SGCD: variants seen among roughly 807,000 people sequenced by gnomAD.
SGCD encodes the protein sarcoglycan delta.
Under a neutral mutation model 36.6 loss-of-function variants are expected in SGCD, and 18 were observed. The ratio of observed to expected loss-of-function variants is 0.49; its 90% CI spans 0.34 to 0.73. The LOEUF (loss-of-function observed/expected upper bound fraction) is 0.73. SGCD is among the 30% of genes least tolerant of loss of function. The pLI is 0.01. For synonymous variants in SGCD, 133 were observed against 130.6 expected (o/e 1.02, Z -0.12); for missense variants, 387 against 346.7 (o/e 1.12, Z -0.92).
chr5:156,398,979 TTAGA>T (rs1772004067), intron 3 of SGCD, among the ~76,000 whole-genome samples: 1 of 152,208 alleles, frequency 6.6e-6, no homozygotes, highest in South Asian at 2.1e-4. Context: ...GGCTACCATA[TTAGA>T]TAGCGCAGAT....
the SGCD span, among the ~76,000 whole-genome samples, chr5:155,854,477 A>G: frequency 6.6e-6 from 1 of 152,294 alleles, no homozygotes; most frequent in South Asian, 2.1e-4. Flanking sequence ...GTAAAAATAA[A>G]TTTTAATTTC....
intron 3 of SGCD, among the ~76,000 whole-genome samples, chr5:156,423,217 A>ATATTATATTTTAT (rs1773436237): frequency 4.0e-5 from 4 of 99,376 alleles, no homozygotes; most frequent in African/African-American, 1.8e-4. Flanking sequence ...TTATAATATA[A>ATATTATATTTTAT]TATAATATAT....
At chr5:155,858,524 T>C in the SGCD span, among the ~76,000 whole-genome samples, 3 of 152,250 alleles carry the variant, frequency 2.0e-5, no homozygotes, top group Non-Finnish European at 4.4e-5. Flanking sequence ...ATTGGCTTTA[T>C]AAACTCATCT....
chr5:155,930,788 G>C (rs1457336558), intron 1 of SGCD, among the ~76,000 whole-genome samples: 1 of 152,042 alleles, frequency 6.6e-6, no homozygotes, highest in Non-Finnish European at 1.5e-5. Context: ...ATCAAACATT[G>C]TTCATACTTG....
chr5:156,254,045 C>T (rs745436855), intron 3 of SGCD, among the ~76,000 whole-genome samples: 27 of 152,106 alleles, frequency 1.8e-4, no homozygotes, highest in African/African-American at 6.0e-4. Flanking sequence ...ATTATATCAT[C>T]GCAAATGATG....
rs181991160 is a variant in SGCD, at chr5:156,636,672, G to A, written c.503-10792G>A. ...AAAGTACTTTCTGGCTGAGAACACT[G>A]TAAGCAAAGGCAAGGACATGGGAAA... On this transcript the variant is annotated intron_variant, in intron 6 of 8. Coordinates refer to ENST00000337851, the MANE Select transcript of SGCD (RefSeq NM_000337.6). Among the ~76,000 whole-genome samples, 4 of 152,278 alleles carry A rather than the reference G, an allele frequency of 2.6e-5. No homozygotes were observed. The East Asian group carries it at 7.7e-4, about 29-fold the overall frequency.
chr5:155,739,751 G>C, the SGCD span, among the ~76,000 whole-genome samples: 1 of 152,130 alleles, frequency 6.6e-6, no homozygotes, highest in Non-Finnish European at 1.5e-5. Context: ...GACTGAGGCA[G>C]CTCTATCCTG....
the SGCD span, among the ~76,000 whole-genome samples, chr5:155,774,977 G>T: frequency 1.3e-5 from 2 of 152,084 alleles, no homozygotes; most frequent in Admixed American, 1.3e-4. Context: ...GAAGTTTTGT[G>T]TACTTTTTGT....
At chr5:156,217,032 C>T (rs1047569236) in intron 3 of SGCD, among the ~76,000 whole-genome samples, 4 of 152,070 alleles carry the variant, frequency 2.6e-5, no homozygotes, top group East Asian at 1.9e-4. Flanking sequence ...GAGCCCAGAT[C>T]GTGCCACTGC....
chr5:155,951,529 T>C (rs551001737), intron 1 of SGCD, among the ~76,000 whole-genome samples: 21 of 152,346 alleles, frequency 1.4e-4, no homozygotes, highest in African/African-American at 5.0e-4. Context: ...AGGAAACTTT[T>C]GGATGCAGTT....
intron 3 of SGCD, among the ~76,000 whole-genome samples, chr5:156,485,592 G>C (rs528269948): frequency 1.7e-3 from 263 of 152,246 alleles, no homozygotes; most frequent in South Asian, 5.0e-3. Context: ...GAACTCAGGA[G>C]GTGGAGGCTG....
chr5:156,305,753 G>A (rs889203188), intron 3 of SGCD, among the ~76,000 whole-genome samples: 2 of 152,214 alleles, frequency 1.3e-5, no homozygotes, highest in Non-Finnish European at 2.9e-5. Flanking sequence ...GAGGGAAGCT[G>A]TATGCTCCAA....
chr5:156,393,240 T>G (rs1771676491), intron 3 of SGCD, among the ~76,000 whole-genome samples: 1 of 152,204 alleles, frequency 6.6e-6, no homozygotes, highest in African/African-American at 2.4e-5. Flanking sequence ...TATGTGGTGA[T>G]CTAAGACCTC....
chr5:156,747,367 G>A (rs1418929034), intron 7 of SGCD, among the ~76,000 whole-genome samples: 1 of 152,196 alleles, frequency 6.6e-6, no homozygotes, highest in African/African-American at 2.4e-5. Context: ...CAGGAATCAG[G>A]TGCAGCTTAG....
chr5:156,034,602 C>T (rs945798696), intron 1 of SGCD, among the ~76,000 whole-genome samples: 2 of 152,064 alleles, frequency 1.3e-5, no homozygotes, highest in South Asian at 2.1e-4. Flanking sequence ...GCTAAGTGAC[C>T]AGTTATTCTC....
intron 2 of SGCD, among the ~76,000 whole-genome samples, chr5:156,332,758 T>G (rs537433389): frequency 6.6e-6 from 1 of 152,130 alleles, no homozygotes; most frequent in African/African-American, 2.4e-5. Flanking sequence ...ACTGAAAACA[T>G]TAAATGTGAT....
At chr5:156,754,685 A>C (rs1015536621) in intron 7 of SGCD, among the ~76,000 whole-genome samples, 1 of 152,226 alleles carries the variant, frequency 6.6e-6, no homozygotes, top group Admixed American at 6.5e-5. Context: ...ACCATGAGCA[A>C]GTCACTGTAC....
chr5:155,818,236 T>C, the SGCD span, among the ~76,000 whole-genome samples: 1 of 152,020 alleles, frequency 6.6e-6, no homozygotes, highest in Admixed American at 6.5e-5. Flanking sequence ...AATTACTTTA[T>C]TGGGGTGGGG....
chr5:156,622,435 AAAT>A (rs56979795), intron 6 of SGCD, among the ~76,000 whole-genome samples: 48,839 of 136,678 alleles, frequency 0.36, 8,698 homozygotes, highest in East Asian at 0.46. Context: ...TCTGTCTAAA[AAAT>A]AATAATAATA....
Sources: gnomAD v4.1 joint callset for allele counts (sites outside exome capture counted in the v4.1 genomes callset) on GRCh38, gnomAD v4.1.1 for gene constraint, MANE v1.5 for transcripts, NCBI Gene and HGNC (gene_info 2026-07-23, HGNC 2026-07-21) for gene names.